Variants in PPIH observed in about 807,000 individuals in gnomAD.
PPIH encodes peptidyl-prolyl cis-trans isomerase H.
A neutral mutation model predicts 27.6 loss-of-function variants in PPIH; 16 were observed. The observed-to-expected ratio is 0.58, with a 90% CI of 0.39 to 0.88. The LOEUF (loss-of-function observed/expected upper bound fraction) is 0.88. PPIH is among the 40% of genes least tolerant of loss of function. The pLI, the probability that PPIH is intolerant of heterozygous loss-of-function variation, is 0.00. For missense variants in PPIH, 155 were observed against 224.1 expected (o/e 0.69, Z 1.97); for synonymous variants, 63 against 76.1 (o/e 0.83, Z 0.90).
chr1:42,659,189 A>G, intron 2 of PPIH, 39 bp from the exon 3 acceptor site: 1 of 1,613,764 alleles, frequency 6.2e-7, no homozygotes. Context: ...CGACTGTGAC[A>G]TCATAGTGAT....
chr1:42,675,282 T>TC (rs1649827700), intron 9 of PPIH: 1 of 152,222 alleles, frequency 6.6e-6, no homozygotes, highest in Non-Finnish European at 1.5e-5. Context: ...TCCTAAATCC[T>TC]CCCAGCACTT....
intron 9 of PPIH, among the ~76,000 whole-genome samples, chr1:42,673,744 G>C (rs1416527026): frequency 6.6e-6 from 1 of 152,162 alleles, no homozygotes; most frequent in African/African-American, 2.4e-5. Context: ...TTAATATTTG[G>C]ATCTTAGGAA....
intron 8 of PPIH, 24 bp from the exon 9 acceptor site, chr1:42,667,327 T>C (rs773451642): frequency 6.4e-7 from 1 of 1,566,472 alleles, no homozygotes; most frequent in Non-Finnish European, 8.8e-7. Context: ...AGTGGATGAA[T>C]CTCCATTGTG....
At chr1:42,665,077 T>C in intron 6 of PPIH, 122 bp downstream of exon 6, 1 of 800,786 alleles carries the variant, frequency 1.2e-6, no homozygotes, top group Non-Finnish European at 2.0e-6. Flanking sequence ...GGCCCAGGAC[T>C]CACCTTTACC....
chr1:42,669,653 T>G (rs892439417), intron 9 of PPIH, among the ~76,000 whole-genome samples: 1 of 152,176 alleles, frequency 6.6e-6, no homozygotes, highest in Non-Finnish European at 1.5e-5. Flanking sequence ...AAGAAAAAAA[T>G]TAGTATTGTG....
intron 4 of PPIH, among the ~76,000 whole-genome samples, chr1:42,659,818 C>A (rs1648903155): frequency 6.6e-6 from 1 of 152,210 alleles, no homozygotes; most frequent in Non-Finnish European, 1.5e-5. Flanking sequence ...TGTGCGAATG[C>A]AGATTTTTTA....
chr1:42,666,715 G>C, intron 8 of PPIH, 128 bp downstream of exon 8: 1 of 968,076 alleles, frequency 1.0e-6, no homozygotes, highest in Non-Finnish European at 1.6e-6. Context: ...CCCAGGAAAA[G>C]GGAAGAGAAC....
At chr1:42,671,777 T>C (rs1274380523) in intron 9 of PPIH, among the ~76,000 whole-genome samples, 1 of 152,098 alleles carries the variant, frequency 6.6e-6, no homozygotes, top group African/African-American at 2.4e-5. Flanking sequence ...CTGAATAATG[T>C]GATTTAAGAA....
chr1:42,661,497 G>T lies in PPIH; in HGVS notation c.243+593G>T, dbSNP rs573285959. 3.9e-5 allele frequency among the ~76,000 whole-genome samples: 6 copies of T among 152,166 alleles called. No homozygotes were observed. The South Asian group carries it at 1.2e-3, about 32-fold the overall frequency. The stretch of plus-strand genomic sequence containing the variant: ...GCTTTCTTGTAAGTAGACTGTTTTT[G>T]TCCCCCATATGAAGCCTCCCTCCCC... On this transcript the variant is annotated intron_variant, in intron 5 of 9. Coordinates refer to ENST00000304979, the MANE Select transcript of PPIH (RefSeq NM_006347.4).
At chr1:42,664,048 A>G (rs1649196096) in intron 5 of PPIH, among the ~76,000 whole-genome samples, 1 of 152,226 alleles carries the variant, frequency 6.6e-6, no homozygotes, top group South Asian at 2.1e-4. Context: ...CTTATTCCTC[A>G]AGGTTGCTGG....
At chr1:42,678,870 G>A (rs569114461), downstream of PPIH, 1 of 152,436 alleles carries the variant, frequency 6.6e-6, no homozygotes, top group South Asian at 2.1e-4. Flanking sequence ...GACACTTGAG[G>A]TAAGTATTGA....
At chr1:42,675,996 A>G (rs1022033182) in intron 9 of PPIH, among the ~76,000 whole-genome samples, 1 of 152,200 alleles carries the variant, frequency 6.6e-6, no homozygotes, top group African/African-American at 2.4e-5. Context: ...TATATAATGC[A>G]TGGAGTTGTG....
At chr1:42,665,012 T>C in intron 6 of PPIH, 57 bp downstream of exon 6, 2 of 1,417,190 alleles carry the variant, frequency 1.4e-6, no homozygotes, top group South Asian at 1.2e-5. Flanking sequence ...TGGGCCCCTC[T>C]TGAGGCCCAG....
At chr1:42,662,296 T>C (rs1649079984) in intron 5 of PPIH, among the ~76,000 whole-genome samples, 1 of 152,190 alleles carries the variant, frequency 6.6e-6, no homozygotes, top group Admixed American at 6.5e-5. Flanking sequence ...GTAATCCCAG[T>C]ACCTTGGGAT....
At chr1:42,677,217 T>G (rs990919067), downstream of PPIH, among the ~76,000 whole-genome samples, 4 of 152,194 alleles carry the variant, frequency 2.6e-5, no homozygotes, top group Admixed American at 2.0e-4. Context: ...CTCACACCTG[T>G]AATCCCAGCA....
At chr1:42,676,197 C>T (rs1043929162) in intron 9 of PPIH, among the ~76,000 whole-genome samples, 4 of 151,874 alleles carry the variant, frequency 2.6e-5, no homozygotes, top group East Asian at 1.9e-4. Flanking sequence ...TGGCCGGGCA[C>T]GGTGGCTCAT....
chr1:42,658,971 C>T, intron 2 of PPIH, 63 bp downstream of exon 2: 1 of 1,538,840 alleles, frequency 6.5e-7, no homozygotes, highest in Non-Finnish European at 9.0e-7. Flanking sequence ...AGTCAGCCGC[C>T]TGAAATAGCC....
At chr1:42,664,427 G>A (rs1649215664) in intron 5 of PPIH, among the ~76,000 whole-genome samples, 1 of 152,174 alleles carries the variant, frequency 6.6e-6, no homozygotes, top group African/African-American at 2.4e-5. Flanking sequence ...GTGGTATCAT[G>A]TTGTACATAC....
chr1:42,659,544 T>TAA lies in PPIH; in HGVS notation c.179_180insAA (p.Tyr60Ter). ...TAGGAAAGATGGGGTTCCAATAGGATACAAAGGAAGCACCTTCCACAGGTA... is the reference window on the plus strand; with the variant it reads ...TAGGAAAGATGGGGTTCCAATAGGATAAACAAAGGAAGCACCTTCCACAGGTA... ...EFRKDGVPIG[Y>*]KGSTFHRVIK... is the part of the protein sequence containing the mutation. The change falls in exon 4 of 10, where the codon TAC becomes TAAAC. Residue 60 changes from tyrosine to a stop codon, truncating the protein, a stop_gained and frameshift_variant. Coordinates refer to ENST00000304979, the MANE Select transcript of PPIH (RefSeq NM_006347.4). LOFTEE classifies it high-confidence loss of function. 2 of 1,614,074 alleles carry TAA rather than the reference T, an allele frequency of 1.2e-6. No homozygotes were observed. The highest frequency in any genetic ancestry group is 1.7e-6 in the Non-Finnish European group (2 of 1,180,032).
Sources: allele counts gnomAD v4.1 joint callset (sites outside exome capture counted in the v4.1 genomes callset), GRCh38; gene constraint gnomAD v4.1.1; transcripts MANE v1.5; gene names NCBI Gene and HGNC (gene_info 2026-07-23, HGNC 2026-07-21).